The following STT3B variants were observed in gnomAD, a reference collection of about 807,000 sequenced individuals.
STT3B encodes dolichyl-diphosphooligosaccharide--protein glycosyltransferase subunit STT3B.
Under a neutral mutation model 96.8 loss-of-function variants are expected in STT3B, and 29 were observed. The ratio of observed to expected loss-of-function variants is 0.30; its 90% CI spans 0.22 to 0.41. STT3B has a LOEUF of 0.41. STT3B is among the 10% of genes least tolerant of loss of function. STT3B has a pLI of 1.00. For missense variants in STT3B, 640 were observed against 1,022.3 expected (o/e 0.63, Z 5.10); for synonymous variants, 367 against 360.0 (o/e 1.02, Z -0.22).
intron 1 of STT3B, among the ~76,000 whole-genome samples, chr3:31,549,542 A>G (rs1278757971): frequency 4.0e-5 from 6 of 151,816 alleles, no homozygotes; most frequent in Admixed American, 3.3e-4. Flanking sequence ...CTTGTGGGCC[A>G]TGGGATATTA....
At chr3:31,535,908 ATG>A (rs1697080568) in intron 1 of STT3B, among the ~76,000 whole-genome samples, 1 of 152,160 alleles carries the variant, frequency 6.6e-6, no homozygotes, top group South Asian at 2.1e-4. Flanking sequence ...TATATTCATA[ATG>A]TTAGATAATC....
intron 1 of STT3B, among the ~76,000 whole-genome samples, chr3:31,560,568 T>A (rs1697850822): frequency 6.6e-6 from 1 of 152,096 alleles, no homozygotes; most frequent in Non-Finnish European, 1.5e-5. Flanking sequence ...GCACTTTCAA[T>A]ACATTATCCC....
At chr3:31,616,729 GAA>G (rs377008239) in intron 6 of STT3B, among the ~76,000 whole-genome samples, 198 bp from the exon 7 acceptor site, 2 of 138,184 alleles carry the variant, frequency 1.4e-5, no homozygotes, top group Non-Finnish European at 3.2e-5. Flanking sequence ...GATCATTTAG[GAA>G]AAAAAAAAAA....
chr3:31,625,817 T>C (rs1200371456), intron 12 of STT3B, 137 bp from the exon 13 acceptor site: 4 of 712,982 alleles, frequency 5.6e-6, no homozygotes, highest in African/African-American at 5.4e-5. Context: ...GTTGAATTCA[T>C]AGTAAATCAT....
intron 3 of STT3B, among the ~76,000 whole-genome samples, chr3:31,587,494 T>C (rs1698568296): frequency 6.6e-6 from 1 of 152,138 alleles, no homozygotes; most frequent in African/African-American, 2.4e-5. Flanking sequence ...CCCTCCCACC[T>C]CAGCCTCCCA....
At chr3:31,594,832 C>T (rs1433255437) in intron 3 of STT3B, among the ~76,000 whole-genome samples, 1 of 152,070 alleles carries the variant, frequency 6.6e-6, no homozygotes, top group East Asian at 1.9e-4. Flanking sequence ...AGATAAACAG[C>T]CAGATGAAGA....
chr3:31,602,660 ATTT>A (rs11316900), intron 5 of STT3B, among the ~76,000 whole-genome samples: 20,099 of 124,928 alleles, frequency 0.16, 1,606 homozygotes, highest in East Asian at 0.25. Flanking sequence ...GGTAGCTGGG[ATTT>A]TTTTTTTTTT....
intron 13 of STT3B, among the ~76,000 whole-genome samples, 189 bp downstream of exon 13, chr3:31,626,316 G>T (rs192708303): frequency 1.3e-5 from 2 of 152,228 alleles, no homozygotes; most frequent in Admixed American, 6.5e-5. Flanking sequence ...AGTCAAAATG[G>T]AACTAATATA....
At chr3:31,617,516 C>T (rs1042061208) in intron 7 of STT3B, among the ~76,000 whole-genome samples, 1 of 151,872 alleles carries the variant, frequency 6.6e-6, no homozygotes, top group Non-Finnish European at 1.5e-5. Context: ...ATGTAAAAGC[C>T]GTGAGTGTTT....
intron 5 of STT3B, among the ~76,000 whole-genome samples, chr3:31,604,371 A>G (rs1349873687): frequency 6.6e-6 from 1 of 152,150 alleles, no homozygotes; most frequent in Non-Finnish European, 1.5e-5. Flanking sequence ...GCAGCTGTAA[A>G]CAGAACACAG....
intron 8 of STT3B, among the ~76,000 whole-genome samples, chr3:31,618,881 T>C (rs1463017405): frequency 6.6e-6 from 1 of 152,060 alleles, no homozygotes; most frequent in Non-Finnish European, 1.5e-5. Context: ...AAAGTAATAA[T>C]ATAACTGTAA....
In STT3B at chr3:31,543,083, A is replaced by AG. The variant is rs1231645577; in HGVS notation, c.314+9771_314+9772insG. 2.6e-5 allele frequency among the ~76,000 whole-genome samples: 4 copies of AG among 151,574 alleles called. No homozygotes were observed. In the South Asian group the frequency reaches 6.3e-4, roughly 24 times the overall value. On this transcript the variant is annotated intron_variant, in intron 1 of 15. Coordinates refer to ENST00000295770, the MANE Select transcript of STT3B (RefSeq NM_178862.3). ...TCCATCTCACAAAAAAAAAAAAAAA[A>AG]AGAGAAAGAAATAAATTCCAGGCCT...
chr3:31,635,156 C>T (rs918165279), intron 15 of STT3B, among the ~76,000 whole-genome samples: 9 of 152,166 alleles, frequency 5.9e-5, no homozygotes, highest in African/African-American at 2.2e-4. Flanking sequence ...TCTTCTGCCT[C>T]TGTTAACCCA....
intron 3 of STT3B, among the ~76,000 whole-genome samples, chr3:31,581,562 A>G (rs868866669): frequency 6.6e-5 from 10 of 152,304 alleles, no homozygotes; most frequent in Middle Eastern, 6.8e-3. Flanking sequence ...GTCATGGTAT[A>G]TAATCTTTTT....
intron 1 of STT3B, 181 bp downstream of exon 1, chr3:31,533,493 G>T: frequency 4.2e-6 from 3 of 709,654 alleles, no homozygotes; most frequent in Non-Finnish European, 5.8e-6. Flanking sequence ...GGCGAAGTTT[G>T]CCCCGTGCAG....
At chr3:31,535,085 T>C (rs1168037651) in intron 1 of STT3B, among the ~76,000 whole-genome samples, 1 of 151,918 alleles carries the variant, frequency 6.6e-6, no homozygotes, top group Non-Finnish European at 1.5e-5. Flanking sequence ...GGTAACAAAA[T>C]TGTGAATATT....
chr3:31,628,548 A>G (rs568573075), intron 13 of STT3B, among the ~76,000 whole-genome samples: 3 of 152,290 alleles, frequency 2.0e-5, no homozygotes, highest in Admixed American at 2.0e-4. Context: ...ATTCCTGGAA[A>G]AGGAATTTCT....
intron 1 of STT3B, among the ~76,000 whole-genome samples, chr3:31,544,480 TTTAG>T: frequency 6.6e-6 from 1 of 152,362 alleles, no homozygotes; most frequent in Middle Eastern, 3.4e-3. Flanking sequence ...TGGTCAGCTC[TTTAG>T]TTATAGAATC....
At position 31,636,493 on chromosome 3, in the gene STT3B, T is replaced by G. The variant is rs1171103001; in HGVS notation, c.*429T>G. On this transcript the variant is annotated 3_prime_UTR_variant, in exon 16 of 16. Coordinates refer to ENST00000295770, the MANE Select transcript of STT3B (RefSeq NM_178862.3). ...CAAGTGACAAAATGTGATGAGAGCT[T>G]CTTGAACCGGTAAACTAGTACAGGT... The G allele has an allele frequency of 1.3e-5, 2 of 153,400 alleles. No homozygotes were observed. The highest frequency in any genetic ancestry group is 2.9e-5 in the Non-Finnish European group (2 of 68,906). 9.5% of individuals were successfully genotyped at this position (153,400 alleles called of 1,614,324 possible). A position where few individuals can be genotyped will look rare whatever the true frequency, so the allele number is the denominator to read the frequency against.
Sources: allele counts gnomAD v4.1 joint callset (sites outside exome capture counted in the v4.1 genomes callset), GRCh38; gene constraint gnomAD v4.1.1; transcripts MANE v1.5; gene names NCBI Gene and HGNC (gene_info 2026-07-23, HGNC 2026-07-21).